Variants in CASTOR2 observed in about 807,000 individuals in gnomAD.
CASTOR2 encodes the protein cytosolic arginine sensor for mTORC1 subunit 2.
Under a neutral mutation model 31.2 loss-of-function variants are expected in CASTOR2, and 8 were observed. That is an observed-to-expected ratio of 0.26 (90% CI 0.15 to 0.46). CASTOR2 has a LOEUF of 0.46. CASTOR2 is among the 20% of genes least tolerant of loss of function. The pLI, the probability that CASTOR2 is intolerant of heterozygous loss-of-function variation, is 0.99. For synonymous variants in CASTOR2, 162 were observed against 158.7 expected, an observed-to-expected ratio of 1.02 and a Z score of -0.16; for missense variants, 216 against 382.1, an observed-to-expected ratio of 0.57 and a Z score of 3.62.
In CASTOR2 at chr7:75,031,003, A is replaced by G. The variant is rs1378510734; in HGVS notation, c.*6304A>G. Among the ~76,000 whole-genome samples, 11 of 152,238 alleles carry G rather than the reference A, an allele frequency of 7.2e-5. No homozygotes were observed. The highest frequency in any genetic ancestry group is 1.6e-4 in the Non-Finnish European group (11 of 68,038). ...GAACAGCAGGCCAAGTTCAGGTCCC[A>G]AGACAGGCCAAGGCCAGTGCGGTTT... is the stretch of plus-strand genomic sequence containing the variant. On this transcript the variant is annotated 3_prime_UTR_variant, in exon 9 of 9. Transcript: ENST00000616305.
At chr7:74,992,495 A>G (rs1554437455) in intron 1 of CASTOR2, among the ~76,000 whole-genome samples, 1 of 152,076 alleles carries the variant, frequency 6.6e-6, no homozygotes, top group Admixed American at 6.6e-5. Flanking sequence ...GCTGGAGTGC[A>G]GTGGCATGAT....
intron 1 of CASTOR2, among the ~76,000 whole-genome samples, chr7:74,971,949 C>T (rs1296676460): frequency 6.7e-6 from 1 of 149,226 alleles, no homozygotes; most frequent in Admixed American, 6.7e-5. Context: ...CCAGAGTCCC[C>T]TCTGTTTTTT....
At position 75,023,174 on chromosome 7, in the gene CASTOR2, G is replaced by A. The variant is rs924369187; in HGVS notation, c.829+1218G>A. On this transcript the variant is annotated intron_variant, in intron 7 of 8. Transcript: ENST00000616305. ...ATACAAAAAATTAGCCGGTCGTGGT[G>A]GCAGGCGCCTGTAGTCCCAGCTACT... is the stretch of plus-strand genomic sequence containing the variant. Among the ~76,000 whole-genome samples the A allele has an allele frequency of 1.7e-3, 260 of 152,246 alleles. 1 individual carries two copies. The highest frequency in any genetic ancestry group is 2.9e-3 in the Non-Finnish European group (196 of 68,024).
Position 75,017,619 on chromosome 7 carries a change from T to C in CASTOR2, c.206T>C (p.Leu69Pro). Reference sequence around the variant, plus strand: ...CCAGAGCTGCCCTCCTCGGAGCACCTGAGTGTGGCAGATGCCACCTGGCTG... The same window carrying C: ...CCAGAGCTGCCCTCCTCGGAGCACCCGAGTGTGGCAGATGCCACCTGGCTG... ...GFLELPSSEH[L>P]SVADATWLAL... Residue 69 changes from leucine to proline, a missense_variant, in exon 3 of 9, where the codon CTG becomes CCG. Physicochemically the swap from Leu to Pro is moderately conservative, Grantham distance 98 (BLOSUM62 -3). This residue lies in a region of CASTOR2 where 114 missense variants were observed against 194.2 expected (regional missense o/e 0.59). Transcript: ENST00000616305. The C allele has an allele frequency of 6.2e-7, 1 of 1,613,970 alleles. No individual in the cohort carries two copies. The highest frequency in any genetic ancestry group is 8.5e-7 in the Non-Finnish European group (1 of 1,179,862).
Position 75,027,973 on chromosome 7 carries a change from G to T in CASTOR2, c.*3274G>T, listed in dbSNP as rs1805184714. 5 of 1,505,642 alleles carry T rather than the reference G, an allele frequency of 3.3e-6. No homozygotes were observed. The highest frequency in any genetic ancestry group is 4.5e-6 in the Non-Finnish European group (5 of 1,120,564). The allele number at this position is 1,505,642 out of a possible 1,614,324, so 93.3% of individuals were successfully genotyped here. A position where few individuals can be genotyped will look rare whatever the true frequency, so the allele number is the denominator to read the frequency against. On this transcript the variant is annotated 3_prime_UTR_variant, in exon 9 of 9. Transcript: ENST00000616305. ...GGAGGGGCATGTGTTTCTCAGAGGG[G>T]CTCCATCCGCAGTTGCATGGAACTC...
At chr7:74,992,564 A>G (rs1804237290) in intron 1 of CASTOR2, among the ~76,000 whole-genome samples, 1 of 151,902 alleles carries the variant, frequency 6.6e-6, no homozygotes, top group Non-Finnish European at 1.5e-5. Flanking sequence ...CTCAGCCTCC[A>G]GAGTAGCTGG....
chr7:75,014,497 C>T (rs1468167921), intron 2 of CASTOR2, among the ~76,000 whole-genome samples: 1 of 150,982 alleles, frequency 6.6e-6, no homozygotes, highest in Non-Finnish European at 1.5e-5. Flanking sequence ...GAGGCTGAGA[C>T]ATGAGAATCG....
rs1233152177 is a variant in CASTOR2, at chr7:75,029,711, C to G, written c.*5012C>G. Reference sequence around the variant, plus strand: ...TGGGGATGGGAAGAAGCACCCCCAACCTTCTAGTCCGCTCCGAGCAGGGCC... The same window carrying G: ...TGGGGATGGGAAGAAGCACCCCCAAGCTTCTAGTCCGCTCCGAGCAGGGCC... On this transcript the variant is annotated 3_prime_UTR_variant, in exon 9 of 9. Coordinates refer to ENST00000616305, the MANE Select transcript of CASTOR2 (RefSeq NM_001145064.3). Among the ~76,000 whole-genome samples, 3 of 152,166 alleles carry G rather than the reference C, an allele frequency of 2.0e-5. No homozygotes were observed. In the East Asian group the frequency reaches 5.8e-4, roughly 29 times the overall value.
At chr7:75,002,361 G>A (rs1343511667) in intron 1 of CASTOR2, among the ~76,000 whole-genome samples, 1 of 151,572 alleles carries the variant, frequency 6.6e-6, no homozygotes, top group Non-Finnish European at 1.5e-5. Flanking sequence ...GGTCATGCCT[G>A]TAATCCCAGC....
At chr7:75,019,294 C>T (rs1378995879) in intron 5 of CASTOR2, among the ~76,000 whole-genome samples, 199 bp downstream of exon 5, 1 of 151,968 alleles carries the variant, frequency 6.6e-6, no homozygotes, top group Non-Finnish European at 1.5e-5. Context: ...CATGGACCTG[C>T]CCCGGAGCTA....
intron 1 of CASTOR2, among the ~76,000 whole-genome samples, chr7:74,967,585 C>T (rs1251273447): frequency 3.7e-5 from 3 of 80,422 alleles, no homozygotes; most frequent in Non-Finnish European, 4.9e-5. Flanking sequence ...TGCTCTTGTC[C>T]GGGCTGGAGT....
chr7:74,977,205 C>T (rs1345958785), intron 1 of CASTOR2, among the ~76,000 whole-genome samples: 1 of 130,394 alleles, frequency 7.7e-6, no homozygotes, highest in African/African-American at 2.8e-5. Context: ...AAAAAAAAAA[C>T]ACCTTGTAAA....
intron 1 of CASTOR2, among the ~76,000 whole-genome samples, chr7:74,967,729 T>C (rs1210084536): frequency 8.3e-5 from 5 of 60,350 alleles, no homozygotes; most frequent in Non-Finnish European, 1.6e-4. Context: ...GAGACGGGGC[T>C]TCTCCATGTT....
intron 1 of CASTOR2, among the ~76,000 whole-genome samples, chr7:74,987,728 A>AT (rs1157014267): frequency 6.6e-6 from 1 of 151,778 alleles, no homozygotes; most frequent in Non-Finnish European, 1.5e-5. Context: ...TAATTTAATT[A>AT]TTTTTTTTCG....
chr7:74,999,243 C>T (rs1804433021), intron 1 of CASTOR2, among the ~76,000 whole-genome samples: 2 of 152,022 alleles, frequency 1.3e-5, no homozygotes, highest in Non-Finnish European at 2.9e-5. Context: ...ATCTCCTGAC[C>T]TCGTGATCCA....
intron 1 of CASTOR2, among the ~76,000 whole-genome samples, chr7:74,985,581 G>C (rs1157881067): frequency 1.8e-5 from 2 of 111,846 alleles, no homozygotes; most frequent in Non-Finnish European, 3.8e-5. Context: ...GAAACAGCCT[G>C]GCTCAAAAAA....
chr7:74,989,262 CCT>C (rs1491196752), intron 1 of CASTOR2, among the ~76,000 whole-genome samples: 1 of 74,852 alleles, frequency 1.3e-5, no homozygotes, highest in African/African-American at 4.4e-5. Flanking sequence ...CCACGCCTGG[CCT>C]TTTTTTTTTT....
intron 1 of CASTOR2, among the ~76,000 whole-genome samples, chr7:74,999,590 A>G (rs1554438211): frequency 3.3e-5 from 4 of 119,672 alleles, no homozygotes; most frequent in Non-Finnish European, 6.5e-5. Context: ...AAACACTTCT[A>G]TCACTCACTG....
chr7:75,016,777 A>G (rs1276140562), intron 2 of CASTOR2, among the ~76,000 whole-genome samples: 61 of 152,308 alleles, frequency 4.0e-4, no homozygotes, highest in South Asian at 8.3e-4. Context: ...ACTTGCCCAC[A>G]TGGCTCCTAC....
Sources: gnomAD v4.1 joint callset for allele counts (sites outside exome capture counted in the v4.1 genomes callset) on GRCh38, gnomAD v4.1.1 for gene constraint, gnomAD v4.1.1 regional missense constraint, MANE v1.5 for transcripts, NCBI Gene and HGNC (gene_info 2026-07-23, HGNC 2026-07-21) for gene names.